The following RNF31 variants were observed in gnomAD, a reference collection of about 807,000 sequenced individuals.
RNF31 encodes E3 ubiquitin-protein ligase RNF31.
A neutral mutation model predicts 133.6 loss-of-function variants in RNF31; 38 were observed. The observed-to-expected ratio is 0.28, with a 90% CI of 0.22 to 0.37. The LOEUF (loss-of-function observed/expected upper bound fraction) is 0.37. Ranked by LOEUF, RNF31 falls within the 10% of genes least tolerant of loss-of-function variation. RNF31 has a pLI of 1.00. For missense variants in RNF31, 1,118 were observed against 1,394.1 expected (o/e 0.80, Z 3.15); for synonymous variants, 582 against 552.3 (o/e 1.05, Z -0.75).
Position 24,147,668 on chromosome 14 carries a change from C to G in RNF31, c.-31C>G. On this transcript the variant is annotated 5_prime_UTR_variant, in exon 1 of 21. Coordinates refer to ENST00000324103, the MANE Select transcript of RNF31 (RefSeq NM_017999.5). Reference sequence around the variant, plus strand: ...GCTGCCCGCGCCGGGTCCTGGCGGGCGGCGAGGCTGGGGCTGACTCCTGCC... The same window carrying G: ...GCTGCCCGCGCCGGGTCCTGGCGGGGGGCGAGGCTGGGGCTGACTCCTGCC... 1 of 1,380,052 alleles carries G rather than the reference C, an allele frequency of 7.2e-7. No individual in the cohort carries two copies. The highest frequency in any genetic ancestry group is 9.3e-7 in the Non-Finnish European group (1 of 1,074,370). 85.5% of individuals were successfully genotyped at this position (1,380,052 alleles called of 1,614,324 possible). A position where few individuals can be genotyped will look rare whatever the true frequency, so the allele number is the denominator to read the frequency against.
In RNF31 at chr14:24,160,151, G is replaced by T; in HGVS notation, c.2997-88G>T. On this transcript the variant is annotated intron_variant, in intron 19 of 20. Coordinates refer to ENST00000324103, the MANE Select transcript of RNF31 (RefSeq NM_017999.5). This position sits in a 1 kb window ranked among gnomAD's most constrained non-coding sequence, Gnocchi z 4.0. The stretch of plus-strand genomic sequence containing the variant: ...CACAGGTGGGTTGTTAATCTTGTTC[G>T]TCCAGGTGTCTCAGAGTCCAGCTAT... 2.7e-6 allele frequency: 4 copies of T among 1,478,916 alleles called. No homozygotes were observed. The highest frequency in any genetic ancestry group is 3.7e-6 in the Non-Finnish European group (4 of 1,088,664). 91.6% of individuals were successfully genotyped at this position (1,478,916 alleles called of 1,614,324 possible).
intron 3 of RNF31, 38 bp from the exon 4 acceptor site, chr14:24,148,604 G>A (rs1222410723): frequency 1.2e-6 from 2 of 1,609,906 alleles, no homozygotes; most frequent in Admixed American, 1.7e-5. Flanking sequence ...TTGTTCTAGG[G>A]GTCTAGCTGG....
At chr14:24,152,728 A>G (rs2038284182) in intron 11 of RNF31, among the ~76,000 whole-genome samples, 1 of 152,270 alleles carries the variant, frequency 6.6e-6, no homozygotes, top group African/African-American at 2.4e-5. Context: ...GACCTAGAGT[A>G]CGTGGAGTCT....
In RNF31 at chr14:24,160,138, G is replaced by A. The variant is rs2038422959; in HGVS notation, c.2997-101G>A. Reference sequence around the variant, plus strand: ...CAGGCAGTGTGGGCACAGGTGGGTTGTTAATCTTGTTCGTCCAGGTGTCTC... The same window carrying A: ...CAGGCAGTGTGGGCACAGGTGGGTTATTAATCTTGTTCGTCCAGGTGTCTC... On this transcript the variant is annotated intron_variant, in intron 19 of 20. Transcript: ENST00000324103. The surrounding 1 kb of genome is among the most constrained non-coding windows in gnomAD (Gnocchi z 4.0). 2.8e-6 allele frequency: 4 copies of A among 1,443,196 alleles called. No homozygotes were observed. Among genetic ancestry groups the A allele is most frequent in the Admixed American group, 3.7e-5 (2 of 54,208 alleles). The allele number at this position is 1,443,196 out of a possible 1,614,324, so 89.4% of individuals were successfully genotyped here.
chr14:24,148,738 A>T, intron 4 of RNF31, 37 bp downstream of exon 4: 1 of 1,613,702 alleles, frequency 6.2e-7, no homozygotes, highest in Non-Finnish European at 8.5e-7. Flanking sequence ...GTACAAAGGA[A>T]ACAGGAATTG....
Position 24,148,658 on chromosome 14 carries a change from A to G in RNF31, c.512A>G (p.Gln171Arg), listed in dbSNP as rs2038214497. 6.2e-7 allele frequency: 1 copy of G among 1,614,116 alleles called. No individual in the cohort carries two copies. Among genetic ancestry groups the G allele is most frequent in the Admixed American group, 1.7e-5 (1 of 60,010 alleles). Residue 171 changes from glutamine (Q) to arginine (R), a missense_variant, in exon 4 of 21, where the codon CAG becomes CGG. Gln to Arg is a conservative substitution (Grantham distance 43). This residue lies in a region of RNF31 where 747 missense variants were observed against 827.9 expected (regional missense o/e 0.90). Coordinates refer to ENST00000324103, the MANE Select transcript of RNF31 (RefSeq NM_017999.5). ...SLLLQNTHPR[Q>R]QALEQLLEDK... ...TTATTGCAGAATACTCATCCAAGAC[A>G]GCAGGCACTGGAGCAGCTGTTGGAA...
At chr14:24,154,767 A>T (rs115384879) in intron 11 of RNF31, among the ~76,000 whole-genome samples, 3,105 of 152,232 alleles carry the variant, frequency 0.02, 104 homozygotes, top group African/African-American at 0.071. Flanking sequence ...CAAGATACAG[A>T]TTGTTTCATC....
chr14:24,155,972 A>C lies in RNF31; in HGVS notation c.2493+280A>C, dbSNP rs969445567. 1.3e-5 allele frequency among the ~76,000 whole-genome samples: 2 copies of C among 152,158 alleles called. No individual in the cohort carries two copies. The highest frequency in any genetic ancestry group is 1.5e-5 in the Non-Finnish European group (1 of 68,042). Reference sequence around the variant, plus strand: ...CATAAATTCTATGAAGAAAACAAACAGGAACCTGAGATCAGGGTAACAGAG... The same window carrying C: ...CATAAATTCTATGAAGAAAACAAACCGGAACCTGAGATCAGGGTAACAGAG... On this transcript the variant is annotated intron_variant, in intron 14 of 20. Coordinates refer to ENST00000324103, the MANE Select transcript of RNF31 (RefSeq NM_017999.5). The surrounding 1 kb of genome is among the most constrained non-coding windows in gnomAD (Gnocchi z 4.9).
chr14:24,160,540 C>A lies in RNF31; in HGVS notation c.3186C>A (p.Pro1062=), dbSNP rs752958350. ...RLLQKLTEEV[P]LGQSIPRRRK is the part of the protein sequence containing the mutation. ...TGCAGAAGCTGACAGAAGAGGTACC[C>A]TTGGGACAGAGTATCCCCCGCAGGC... Residue 1062 remains proline, a synonymous_variant, in exon 21 of 21, where the codon CCC becomes CCA. Transcript: ENST00000324103. The surrounding 1 kb of genome is among the most constrained non-coding windows in gnomAD (Gnocchi z 4.0). 6.4e-7 allele frequency: 1 copy of A among 1,550,696 alleles called. No individual in the cohort carries two copies. The highest frequency in any genetic ancestry group is 2.3e-5 in the East Asian group (1 of 44,114).
intron 5 of RNF31, 64 bp downstream of exon 5, chr14:24,148,940 C>G: frequency 2.3e-6 from 3 of 1,313,492 alleles, no homozygotes; most frequent in Non-Finnish European, 3.3e-6. Flanking sequence ...TGGGATGCTC[C>G]TCTGTCTTCT....
At chr14:24,149,879 A>C (rs1176522923) in intron 6 of RNF31, among the ~76,000 whole-genome samples, 182 bp from the exon 7 acceptor site, 1 of 152,196 alleles carries the variant, frequency 6.6e-6, no homozygotes, top group African/African-American at 2.4e-5. Flanking sequence ...ACTAGGAAGA[A>C]GTGAGCTTTA....
chr14:24,148,798 CA>C lies in RNF31; in HGVS notation c.556-2del. ...TATTCATTCCCTGCCCTTTCTTTTT[CA>C]GATGCTGCAGCTTTCAGAATTTGAC... On this transcript the variant is annotated splice_acceptor_variant, in intron 4 of 20. Coordinates refer to ENST00000324103, the MANE Select transcript of RNF31 (RefSeq NM_017999.5). LOFTEE classifies it high-confidence loss of function. The C allele has an allele frequency of 6.2e-7, 1 of 1,614,164 alleles. No homozygotes were observed. Among genetic ancestry groups the C allele is most frequent in the East Asian group, 2.2e-5 (1 of 44,888 alleles).
Position 24,148,392 on chromosome 14 carries a change from A to G in RNF31, c.474A>G (p.Thr158=). 1 of 1,614,184 alleles carries G rather than the reference A, an allele frequency of 6.2e-7. No homozygotes were observed. Among genetic ancestry groups the G allele is most frequent in the Non-Finnish European group, 8.5e-7 (1 of 1,180,026 alleles). ...TVTLEVLLLR[T]ELSLLLQNTH... ...CACTGGAAGTACTGCTGCTTCGGAC[A>G]GAGCTCAGCCTGCTATTGCAGGTGA... Residue 158 remains threonine (T), a synonymous_variant, in exon 3 of 21, where the codon ACA becomes ACG. Coordinates refer to ENST00000324103, the MANE Select transcript of RNF31 (RefSeq NM_017999.5).
intron 2 of RNF31, 35 bp from the exon 3 acceptor site, chr14:24,148,223 C>A (rs202228851): frequency 3.2e-5 from 51 of 1,613,414 alleles, no homozygotes; most frequent in Middle Eastern, 1.6e-4. Context: ...AGGCAGGAAA[C>A]CTCCTGGGTG....
chr14:24,158,034 G>A (rs778391368), intron 17 of RNF31, 23 bp downstream of exon 17: 4 of 1,613,096 alleles, frequency 2.5e-6, no homozygotes, highest in Non-Finnish European at 2.5e-6. Flanking sequence ...CAGGAGAGAA[G>A]AAGACAGGGC....
rs200349131 is a variant in RNF31 at position 24,151,359 on chromosome 14, G to T, written c.1717G>T (p.Val573Leu). The T allele has an allele frequency of 2.5e-4, 406 of 1,614,230 alleles. No individual in the cohort carries two copies. Among genetic ancestry groups the T allele is most frequent in the Non-Finnish European group, 3.3e-4 (391 of 1,180,038 alleles). Reference sequence around the variant, plus strand: ...CCTTGATGAAGCTGTGGAGGAGTGTGTGAGGACCAGGCGAAGGAAGGTATC... The same window carrying T: ...CCTTGATGAAGCTGTGGAGGAGTGTTTGAGGACCAGGCGAAGGAAGGTATC... Reference protein sequence around the residue: ...GNLDEAVEECVRTRRRKVQEL... With the variant: ...GNLDEAVEECLRTRRRKVQEL... The change falls in exon 9 of 21, where the codon GTG becomes TTG. Residue 573 changes from valine to leucine, a missense_variant. Val to Leu is a conservative substitution (Grantham distance 32, BLOSUM62 1). Transcript: ENST00000324103. The surrounding 1 kb of genome is among the most constrained non-coding windows in gnomAD (Gnocchi z 5.3).
At position 24,151,763 on chromosome 14, in the gene RNF31, C is replaced by G. The variant is rs191481441; in HGVS notation, c.1924-23C>G. ...CCCTGGAGTCTGACAGCACTTCCCC[C>G]CTCCACCTGAATCATATTGCAGAGC... is the stretch of plus-strand genomic sequence containing the variant. On this transcript the variant is annotated intron_variant, in intron 10 of 20. Transcript: ENST00000324103. This position sits in a 1 kb window ranked among gnomAD's most constrained non-coding sequence, Gnocchi z 5.3. 6 of 1,601,302 alleles carry G rather than the reference C, an allele frequency of 3.7e-6. No individual in the cohort carries two copies. The highest frequency in any genetic ancestry group is 2.7e-5 in the African/African-American group (2 of 74,674).
At position 24,151,935 on chromosome 14, in the gene RNF31, G is replaced by A. The variant is rs78284177; in HGVS notation, c.2073G>A (p.Leu691=). ...GGCACAGCCAGGACCGGGCCTTCCTGCGCCGCTTGCTTGCCCAGGAGTGTG... is the reference window on the plus strand; with the variant it reads ...GGCACAGCCAGGACCGGGCCTTCCTACGCCGCTTGCTTGCCCAGGAGTGTG... ...AVRHSQDRAF[L]RRLLAQECAV... The change falls in exon 11 of 21, where the codon CTG becomes CTA. Residue 691 remains leucine (L), a synonymous_variant. Coordinates refer to ENST00000324103, the MANE Select transcript of RNF31 (RefSeq NM_017999.5). The surrounding 1 kb of genome is among the most constrained non-coding windows in gnomAD (Gnocchi z 5.3). The A allele has an allele frequency of 1.9e-6, 3 of 1,614,210 alleles. No homozygotes were observed. Among genetic ancestry groups the A allele is most frequent in the Admixed American group, 1.7e-5 (1 of 60,030 alleles).
rs984518069 is a variant in RNF31 at position 24,150,693 on chromosome 14, G to A, written c.1293G>A (p.Met431Ile). The A allele has an allele frequency of 4.3e-6, 7 of 1,614,078 alleles. No individual in the cohort carries two copies. The African/African-American group carries it at 8.0e-5, about 18-fold the overall frequency. Reference sequence around the variant, plus strand: ...CGAGCCCTGGCTGGGTGTGTGTTATGTGCAACCGGACTAGTAGCCCCATTC... The same window carrying A: ...CGAGCCCTGGCTGGGTGTGTGTTATATGCAACCGGACTAGTAGCCCCATTC... ...CNSSPGWVCV[M>I]CNRTSSPIPA... The change falls in exon 8 of 21, where the codon ATG becomes ATA. Residue 431 changes from methionine (M) to isoleucine (I), a missense_variant. By Grantham distance (10) the Met-to-Ile change is conservative. Around this residue, in one of 3 missense-constraint regions of RNF31, gnomAD observed 747 missense variants for 827.9 expected, o/e 0.90. Coordinates refer to ENST00000324103, the MANE Select transcript of RNF31 (RefSeq NM_017999.5).
Sources: gnomAD v4.1 joint callset for allele counts (sites outside exome capture counted in the v4.1 genomes callset) on GRCh38, gnomAD v4.1.1 for gene constraint, gnomAD v4.1.1 regional missense constraint, Gnocchi (gnomAD v3.1) non-coding constraint, MANE v1.5 for transcripts, NCBI Gene and HGNC (gene_info 2026-07-23, HGNC 2026-07-21) for gene names.